RANBP2: variants seen among roughly 807,000 people sequenced by gnomAD.
The protein encoded by RANBP2 is E3 SUMO-protein ligase RanBP2.
A neutral mutation model predicts 303.6 loss-of-function variants in RANBP2; 57 were observed. That is an observed-to-expected ratio of 0.19 (90% confidence interval 0.15 to 0.23). RANBP2 has a LOEUF of 0.23. RANBP2 is among the 10% of genes least tolerant of loss of function. RANBP2 has a pLI of 1.00. For missense variants in RANBP2, 3,138 were observed against 3,780.8 expected (o/e 0.83, Z 4.46); for synonymous variants, 1,167 against 1,301.5 (o/e 0.90, Z 2.23).
At chr2:109,259,192 A>G in the RANBP2 span, among the ~76,000 whole-genome samples, 2 of 152,226 alleles carry the variant, frequency 1.3e-5, no homozygotes, top group Non-Finnish European at 2.9e-5. Context: ...GAATCCATAA[A>G]GTGTAGGCTT....
the RANBP2 span, chr2:109,543,270 C>G: frequency 6.6e-6 from 1 of 152,064 alleles, no homozygotes; most frequent in Admixed American, 6.6e-5. Flanking sequence ...AGAGTTTAAA[C>G]AAGTATGTAA....
At chr2:109,194,736 CG>C in the RANBP2 span, among the ~76,000 whole-genome samples, 1 of 152,174 alleles carries the variant, frequency 6.6e-6, no homozygotes, top group Non-Finnish European at 1.5e-5. Flanking sequence ...CCCTGCAGGC[CG>C]GGGATGCTTC....
the RANBP2 span, among the ~76,000 whole-genome samples, chr2:109,681,185 G>A: frequency 6.6e-6 from 1 of 152,134 alleles, no homozygotes; most frequent in Non-Finnish European, 1.5e-5. Context: ...AATGCATACT[G>A]GGTGGTTCAA....
At chr2:108,753,686 C>G (rs1676084044) in intron 14 of RANBP2, 123 bp downstream of exon 14, 2 of 1,583,012 alleles carry the variant, frequency 1.3e-6, no homozygotes, top group African/African-American at 2.7e-5. Flanking sequence ...ACTGCAACCT[C>G]TGCTTCCCAG....
the RANBP2 span, among the ~76,000 whole-genome samples, chr2:109,448,340 C>T: frequency 6.6e-6 from 1 of 152,198 alleles, no homozygotes; most frequent in African/African-American, 2.4e-5. Flanking sequence ...GAGTCCCCAG[C>T]CTCCAAGCCA....
At chr2:109,607,852 C>T in the RANBP2 span, among the ~76,000 whole-genome samples, 1 of 152,126 alleles carries the variant, frequency 6.6e-6, no homozygotes, top group African/African-American at 2.4e-5. Context: ...AGGAAAGTCA[C>T]CCACTGACTA....
At chr2:109,725,997 T>C in the RANBP2 span, among the ~76,000 whole-genome samples, 21 of 151,898 alleles carry the variant, frequency 1.4e-4, no homozygotes, top group African/African-American at 5.1e-4. Context: ...CCTCCCAAAG[T>C]GCTGGGATTA....
At chr2:109,645,412 T>G in the RANBP2 span, among the ~76,000 whole-genome samples, 2 of 152,248 alleles carry the variant, frequency 1.3e-5, no homozygotes, top group East Asian at 1.9e-4. Flanking sequence ...CCTTTCAGCC[T>G]GAGATTTTGT....
the RANBP2 span, among the ~76,000 whole-genome samples, chr2:109,604,466 C>T: frequency 3.2e-4 from 48 of 148,408 alleles, no homozygotes; most frequent in African/African-American, 1.1e-3. Context: ...GTGGCTGAGG[C>T]CTGTAATCCT....
At chr2:109,534,800 T>A in the RANBP2 span, among the ~76,000 whole-genome samples, 8 of 126,262 alleles carry the variant, frequency 6.3e-5, no homozygotes, top group African/African-American at 8.8e-5. Flanking sequence ...GGAGTGAAAG[T>A]TGTTTTGTTT....
chr2:109,070,030 A>G, the RANBP2 span, among the ~76,000 whole-genome samples: 1 of 152,246 alleles, frequency 6.6e-6, no homozygotes, highest in Non-Finnish European at 1.5e-5. Flanking sequence ...GCCATTAAGA[A>G]GGGCCAGTCA....
At chr2:109,519,329 C>T in the RANBP2 span, among the ~76,000 whole-genome samples, 1 of 152,186 alleles carries the variant, frequency 6.6e-6, no homozygotes, top group East Asian at 1.9e-4. Flanking sequence ...ATCCAATCAC[C>T]TCCCACCAGG....
chr2:109,430,522 CT>C, the RANBP2 span, among the ~76,000 whole-genome samples: 2 of 151,976 alleles, frequency 1.3e-5, no homozygotes, highest in Non-Finnish European at 2.9e-5. Context: ...TCTCCTCCTC[CT>C]CCCTCCTCCT....
chr2:109,356,989 G>A, the RANBP2 span, among the ~76,000 whole-genome samples: 1 of 152,130 alleles, frequency 6.6e-6, no homozygotes, highest in Non-Finnish European at 1.5e-5. Flanking sequence ...GTAGAGACAT[G>A]CTAGCACTGA....
the RANBP2 span, among the ~76,000 whole-genome samples, chr2:108,988,550 T>G: frequency 6.6e-6 from 1 of 151,906 alleles, no homozygotes; most frequent in South Asian, 2.1e-4. Flanking sequence ...GTACGCAGAG[T>G]TGGAGGCAGG....
At chr2:109,346,762 C>G in the RANBP2 span, among the ~76,000 whole-genome samples, 29 of 152,146 alleles carry the variant, frequency 1.9e-4, no homozygotes, top group Non-Finnish European at 3.4e-4. Context: ...GAGCTAGTCA[C>G]GGTTTGAGAC....
At chr2:109,313,350 C>T in the RANBP2 span, among the ~76,000 whole-genome samples, 47,512 of 152,174 alleles carry the variant, frequency 0.31, 9,196 homozygotes, top group African/African-American at 0.55. Flanking sequence ...TATTTAAATG[C>T]AGTTCAGCCT....
chr2:109,063,172 G>T, the RANBP2 span, among the ~76,000 whole-genome samples: 4 of 152,164 alleles, frequency 2.6e-5, no homozygotes, highest in African/African-American at 9.7e-5. Context: ...GTGCCTGTTG[G>T]GTCCCTGGGC....
chr2:109,377,313 G>A, the RANBP2 span, among the ~76,000 whole-genome samples: 30 of 152,304 alleles, frequency 2.0e-4, no homozygotes, highest in African/African-American at 6.3e-4. Context: ...GGTGAGCAAT[G>A]GGTCACAGAT....
Sources: gnomAD v4.1 joint callset for allele counts (sites outside exome capture counted in the v4.1 genomes callset) on GRCh38, gnomAD v4.1.1 for gene constraint, MANE v1.5 for transcripts, NCBI Gene and HGNC (gene_info 2026-07-23, HGNC 2026-07-21) for gene names.